Variants in AHI1 observed in about 807,000 individuals in gnomAD.
AHI1 encodes Abelson helper integration site 1.
AHI1 carries 123 observed loss-of-function variants against 149.3 expected under a neutral mutation model. That is an observed-to-expected ratio of 0.82 (90% CI 0.71 to 0.96). The LOEUF (loss-of-function observed/expected upper bound fraction) is 0.96, where lower values mean the gene tolerates loss of function less well. Ranked by LOEUF, AHI1 falls within the 40% of genes least tolerant of loss-of-function variation. AHI1 has a pLI of 0.00. For missense variants in AHI1, 1,439 were observed against 1,422.7 expected, an observed-to-expected ratio of 1.01 and a Z score of -0.18; for synonymous variants, 475 against 459.8, an observed-to-expected ratio of 1.03 and a Z score of -0.42.
intron 21 of AHI1, among the ~76,000 whole-genome samples, chr6:135,410,331 C>T (rs2128507869): frequency 1.3e-5 from 2 of 152,306 alleles, no homozygotes; most frequent in Admixed American, 1.3e-4. Context: ...GATCACACCA[C>T]TGCATTCCAA....
Position 135,455,856 on chromosome 6 carries a change from A to T in AHI1, c.1222T>A (p.Tyr408Asn). The T allele has an allele frequency of 6.3e-7, 1 of 1,597,438 alleles. No individual in the cohort carries two copies. Among genetic ancestry groups the T allele is most frequent in the Non-Finnish European group, 8.5e-7 (1 of 1,169,736 alleles). ...DYILPIMTQP[Y>N]DFKQLKSRLP... ...CTTGATTTTAACTGTTTAAAATCATATGGCTGGGTCATAATAGGAAGAATA... is the reference window on the plus strand; with the variant it reads ...CTTGATTTTAACTGTTTAAAATCATTTGGCTGGGTCATAATAGGAAGAATA... The change falls in exon 10 of 29, where the codon TAT becomes AAT. Residue 408 changes from tyrosine to asparagine, a missense_variant. Coordinates refer to ENST00000265602, the MANE Select transcript of AHI1 (RefSeq NM_001134831.2).
intron 9 of AHI1, 42 bp from the exon 10 acceptor site, chr6:135,455,968 T>C: frequency 1.5e-5 from 19 of 1,309,240 alleles, no homozygotes; most frequent in Non-Finnish European, 1.8e-5. Flanking sequence ...ATTTTCATAA[T>C]TTTGAGGTGA....
At chr6:135,447,969 G>C (rs1209520506) in intron 12 of AHI1, among the ~76,000 whole-genome samples, 1 of 152,122 alleles carries the variant, frequency 6.6e-6, no homozygotes, top group African/African-American at 2.4e-5. Context: ...TGAAACTACA[G>C]GGCCAAAGCC....
chr6:135,365,092 CTA>C (rs1379567542), intron 23 of AHI1, among the ~76,000 whole-genome samples: 2 of 152,162 alleles, frequency 1.3e-5, no homozygotes, highest in Non-Finnish European at 2.9e-5. Context: ...TTTCCTCACT[CTA>C]TGTTTTGTTT....
At chr6:135,405,236 T>C (rs566727710) in intron 21 of AHI1, among the ~76,000 whole-genome samples, 27 of 152,288 alleles carry the variant, frequency 1.8e-4, no homozygotes, top group Admixed American at 7.2e-4. Context: ...CAAGAAAAAC[T>C]TGCTCTTCAA....
intron 9 of AHI1, 116 bp downstream of exon 9, chr6:135,457,378 A>G: frequency 4.3e-6 from 3 of 705,834 alleles, no homozygotes; most frequent in African/African-American, 1.8e-5. Flanking sequence ...CTAGTAGACT[A>G]TTCTCTAATA....
At chr6:135,309,187 G>A (rs189668436) in intron 26 of AHI1, among the ~76,000 whole-genome samples, 5 of 152,278 alleles carry the variant, frequency 3.3e-5, no homozygotes, top group South Asian at 2.1e-4. Flanking sequence ...ATTCCTCTGC[G>A]TAGGTCATTT....
intron 26 of AHI1, among the ~76,000 whole-genome samples, chr6:135,313,534 C>T (rs188869015): frequency 9.2e-5 from 14 of 152,234 alleles, no homozygotes; most frequent in African/African-American, 2.2e-4. Context: ...GGGTGACTGA[C>T]GATGGTATCT....
chr6:135,424,976 C>T (rs1783728498), intron 20 of AHI1, among the ~76,000 whole-genome samples: 1 of 151,714 alleles, frequency 6.6e-6, no homozygotes, highest in African/African-American at 2.4e-5. Context: ...TAAGACAAAA[C>T]TCTAATAGGT....
intron 24 of AHI1, among the ~76,000 whole-genome samples, chr6:135,327,443 G>A (rs1303343599): frequency 6.6e-6 from 1 of 152,198 alleles, no homozygotes. Flanking sequence ...GCATGTCATC[G>A]TAATACCATT....
intron 24 of AHI1, among the ~76,000 whole-genome samples, chr6:135,324,551 CATAT>C (rs3071751): frequency 0.49 from 70,281 of 144,666 alleles, 17,875 homozygotes; most frequent in Middle Eastern, 0.62. Context: ...GTTATATATA[CATAT>C]ATATATATAT....
intron 5 of AHI1, among the ~76,000 whole-genome samples, chr6:135,483,178 G>C (rs1302542609): frequency 6.6e-6 from 1 of 151,716 alleles, no homozygotes; most frequent in African/African-American, 2.4e-5. Flanking sequence ...GATTACAGGT[G>C]TGAGCCACCA....
intron 26 of AHI1, among the ~76,000 whole-genome samples, chr6:135,316,695 T>TA (rs1786001666): frequency 6.6e-6 from 1 of 152,190 alleles, no homozygotes; most frequent in Non-Finnish European, 1.5e-5. Flanking sequence ...CTTATAGCTC[T>TA]ATGACATACT....
chr6:135,306,955 C>T (rs991477495), intron 26 of AHI1: 6 of 152,140 alleles, frequency 3.9e-5, no homozygotes, highest in African/African-American at 1.4e-4. Flanking sequence ...CATTGGGTTA[C>T]CCACTTCCTC....
At position 135,432,392 on chromosome 6, in the gene AHI1, G is replaced by A. The variant is rs188899116; in HGVS notation, c.2266+635C>T. On this transcript the variant is annotated intron_variant, in intron 16 of 28. Coordinates refer to ENST00000265602, the MANE Select transcript of AHI1 (RefSeq NM_001134831.2). The stretch of plus-strand genomic sequence containing the variant: ...TTTTGAGATGGAGTCTCACTCTGTC[G>A]CCCAGGCTGGAGTGCAGTGGCGCGA... Among the ~76,000 whole-genome samples the A allele has an allele frequency of 2.6e-4, 39 of 151,856 alleles. No individual in the cohort carries two copies. The East Asian group carries it at 4.1e-3, about 16-fold the overall frequency.
At chr6:135,465,160 T>C (rs76886781) in intron 7 of AHI1, among the ~76,000 whole-genome samples, 1 of 152,204 alleles carries the variant, frequency 6.6e-6, no homozygotes, top group Non-Finnish European at 1.5e-5. Context: ...CCACCTCAAG[T>C]TGTTTCTCTA....
At chr6:135,372,000 G>A (rs1036575210) in intron 23 of AHI1, among the ~76,000 whole-genome samples, 2 of 152,130 alleles carry the variant, frequency 1.3e-5, no homozygotes, top group Admixed American at 6.5e-5. Flanking sequence ...GTACAATAAG[G>A]GCCTAGCAGA....
At position 135,455,842 on chromosome 6, in the gene AHI1, C is replaced by CT. The variant is rs772289223; in HGVS notation, c.1235dup (p.Leu413ValfsTer15). On this transcript the variant is annotated frameshift_variant, in exon 10 of 29. Coordinates refer to ENST00000265602, the MANE Select transcript of AHI1 (RefSeq NM_001134831.2). LOFTEE classifies it high-confidence loss of function. ...CCCACTCTGGAAGTCTTGATTTTAA[C>CT]TGTTTAAAATCATATGGCTGGGTCA... is the stretch of plus-strand genomic sequence containing the variant. 6.3e-7 allele frequency: 1 copy of CT among 1,597,704 alleles called. No homozygotes were observed. The highest frequency in any genetic ancestry group is 1.7e-5 in the Admixed American group (1 of 58,818).
chr6:135,300,458 C>G, intron 27 of AHI1, 42 bp downstream of exon 27: 1 of 1,518,766 alleles, frequency 6.6e-7, no homozygotes, highest in Non-Finnish European at 8.8e-7. Context: ...AAGAAAACCC[C>G]AACCATTTAT....
Sources: gnomAD v4.1 joint callset for allele counts (sites outside exome capture counted in the v4.1 genomes callset) on GRCh38, gnomAD v4.1.1 for gene constraint, MANE v1.5 for transcripts, NCBI Gene and HGNC (gene_info 2026-07-23, HGNC 2026-07-21) for gene names.